The following RBM6 variants were observed in gnomAD, a reference collection of about 807,000 sequenced individuals.
RBM6 encodes the protein RNA-binding protein 6.
In RBM6, 23 loss-of-function variants were observed where a neutral mutation model predicts 140.4. That is an observed-to-expected ratio of 0.16 (90% confidence interval 0.12 to 0.23). The LOEUF is 0.23. RBM6 is among the 10% of genes least tolerant of loss of function. The probability of loss-of-function intolerance (pLI) is 1.00; values close to 1 mark genes in which losing one functional copy is unlikely to be tolerated. For missense variants in RBM6, 1,139 were observed against 1,386.7 expected (o/e 0.82, Z 2.84); for synonymous variants, 439 against 475.6 (o/e 0.92, Z 1.00).
chr3:50,051,558 T>C (rs1266852196), intron 7 of RBM6, among the ~76,000 whole-genome samples: 1 of 152,210 alleles, frequency 6.6e-6, no homozygotes, highest in Non-Finnish European at 1.5e-5. Flanking sequence ...GGAGAATCAC[T>C]TGAACCTGGG....
chr3:50,062,197 T>C (rs926765362), intron 15 of RBM6, 89 bp downstream of exon 15: 13 of 1,446,032 alleles, frequency 9.0e-6, no homozygotes, highest in Non-Finnish European at 1.2e-5. Flanking sequence ...TTTGCAAGTG[T>C]AAAGTAACTT....
chr3:50,072,233 C>T (rs2090326747), intron 19 of RBM6, among the ~76,000 whole-genome samples: 1 of 150,466 alleles, frequency 6.6e-6, no homozygotes, highest in Non-Finnish European at 1.5e-5. Context: ...CATGGTGAAA[C>T]CCTGTCTCTA....
intron 6 of RBM6, among the ~76,000 whole-genome samples, chr3:50,000,335 G>GTTTTTTTTT (rs372944661): frequency 8.2e-6 from 1 of 121,238 alleles, no homozygotes; most frequent in Non-Finnish European, 1.8e-5. Context: ...AGTTTGATGT[G>GTTTTTTTTT]TTTTTTTTTT....
chr3:50,051,185 C>T (rs1291177542), intron 7 of RBM6, among the ~76,000 whole-genome samples: 1 of 151,932 alleles, frequency 6.6e-6, no homozygotes, highest in Non-Finnish European at 1.5e-5. Flanking sequence ...ACAAAAAATA[C>T]AAAATTTAAC....
chr3:50,023,369 G>A (rs997204809), intron 6 of RBM6, among the ~76,000 whole-genome samples: 2 of 151,938 alleles, frequency 1.3e-5, no homozygotes, highest in Admixed American at 1.3e-4. Context: ...ACAGTGGCGC[G>A]ATCTCGGCTG....
Position 50,047,580 on chromosome 3 carries a change from C to T in RBM6, c.1558-665C>T, listed in dbSNP as rs552297007. On this transcript the variant is annotated intron_variant, in intron 6 of 20. Coordinates refer to ENST00000266022, the MANE Select transcript of RBM6 (RefSeq NM_005777.3). ...TTGCCAATGGTTGCTCCTCAGATCT[C>T]AGGGCTAGCTCACTCTATAGGCTCC... is the stretch of plus-strand genomic sequence containing the variant. Among the ~76,000 whole-genome samples, 3 of 152,280 alleles carry T rather than the reference C, an allele frequency of 2.0e-5. No homozygotes were observed. The South Asian group carries it at 6.2e-4, about 32-fold the overall frequency.
intron 6 of RBM6, among the ~76,000 whole-genome samples, chr3:50,023,170 A>G (rs780398974): frequency 6.6e-5 from 10 of 152,056 alleles, no homozygotes; most frequent in Non-Finnish European, 1.3e-4. Flanking sequence ...TTTCCCAAGA[A>G]TTTATCCCTC....
intron 2 of RBM6, among the ~76,000 whole-genome samples, chr3:49,965,636 C>T (rs1009747059): frequency 1.3e-5 from 2 of 151,620 alleles, no homozygotes; most frequent in Non-Finnish European, 2.9e-5. Flanking sequence ...CGCCACTGCA[C>T]TCCAGCCTGG....
chr3:50,032,162 T>C (rs934473601), intron 6 of RBM6, among the ~76,000 whole-genome samples: 7 of 152,088 alleles, frequency 4.6e-5, no homozygotes, highest in East Asian at 3.9e-4. Context: ...AGAGAGCAGA[T>C]AGGCATTAGG....
intron 6 of RBM6, among the ~76,000 whole-genome samples, chr3:50,048,040 G>T (rs765437262): frequency 6.6e-6 from 1 of 152,116 alleles, no homozygotes; most frequent in Non-Finnish European, 1.5e-5. Context: ...TCACCTTCTC[G>T]TACTCCCCTT....
At chr3:49,984,189 T>G (rs1205181809) in intron 5 of RBM6, among the ~76,000 whole-genome samples, 1 of 151,946 alleles carries the variant, frequency 6.6e-6, no homozygotes, top group Non-Finnish European at 1.5e-5. Flanking sequence ...CCCAGCTACT[T>G]AGGAGGCTAA....
intron 6 of RBM6, among the ~76,000 whole-genome samples, chr3:50,003,360 T>C (rs1356474786): frequency 6.6e-6 from 1 of 151,400 alleles, no homozygotes; most frequent in Non-Finnish European, 1.5e-5. Flanking sequence ...CCCCCAGTTT[T>C]ACTTACAGAC....
At chr3:49,976,219 C>G (rs1210041476) in intron 5 of RBM6, among the ~76,000 whole-genome samples, 1 of 152,114 alleles carries the variant, frequency 6.6e-6, no homozygotes, top group Non-Finnish European at 1.5e-5. Flanking sequence ...CAAGTAAGAA[C>G]ATGTCATATT....
At chr3:50,069,185 A>G (rs933352535) in intron 18 of RBM6, among the ~76,000 whole-genome samples, 3 of 152,168 alleles carry the variant, frequency 2.0e-5, no homozygotes, top group African/African-American at 7.2e-5. Context: ...TTACCCAGTC[A>G]TAGGCTTCAC....
In RBM6 at chr3:49,967,885, A is replaced by G; in HGVS notation, c.460A>G (p.Asn154Asp). Residue 154 changes from asparagine to aspartate, a missense_variant, in exon 3 of 21, where the codon AAC becomes GAC. By Grantham distance (23) the Asn-to-Asp change is conservative (BLOSUM62 1). Coordinates refer to ENST00000266022, the MANE Select transcript of RBM6 (RefSeq NM_005777.3). The surrounding 1 kb of genome is among the most constrained non-coding windows in gnomAD (Gnocchi z 4.0). ...DYRGREAPHM[N>D]YRDRDAHAVD... ...TAGAGGTAGGGAGGCACCTCATATGAACTACAGAGACAGGGATGCTCACGC... is the reference window on the plus strand; with the variant it reads ...TAGAGGTAGGGAGGCACCTCATATGGACTACAGAGACAGGGATGCTCACGC... The G allele has an allele frequency of 6.2e-7, 1 of 1,614,092 alleles. No homozygotes were observed. Among genetic ancestry groups the G allele is most frequent in the Non-Finnish European group, 8.5e-7 (1 of 1,180,010 alleles).
At chr3:50,019,775 C>T (rs898646762) in intron 6 of RBM6, among the ~76,000 whole-genome samples, 11 of 151,976 alleles carry the variant, frequency 7.2e-5, no homozygotes, top group Admixed American at 4.6e-4. Context: ...GGAGGTTCCC[C>T]TCTGTTCCTA....
chr3:49,947,419 C>T (rs1184169768), intron 1 of RBM6, among the ~76,000 whole-genome samples: 5 of 151,964 alleles, frequency 3.3e-5, no homozygotes, highest in Non-Finnish European at 7.4e-5. Context: ...GACAGAGTGG[C>T]CCAGTCTCTA....
Position 50,057,983 on chromosome 3 carries a change from G to T in RBM6, c.1949G>T (p.Arg650Leu). The change falls in exon 9 of 21, where the codon CGC becomes CTC. Residue 650 changes from arginine (R) to leucine (L), a missense_variant. Around this residue, in one of 9 missense-constraint regions of RBM6, gnomAD observed 109 missense variants for 101.9 expected, o/e 1.07. Coordinates refer to ENST00000266022, the MANE Select transcript of RBM6 (RefSeq NM_005777.3). ...AGGGAGTCATGGTCTGGAGAGACAC[G>T]CCAGGATGGAGAGAGCAAAAGTAAG... is the stretch of plus-strand genomic sequence containing the variant. ...RERESWSGET[R>L]QDGESKTIML... 6.2e-7 allele frequency: 1 copy of T among 1,613,670 alleles called. No homozygotes were observed. The highest frequency in any genetic ancestry group is 8.5e-7 in the Non-Finnish European group (1 of 1,179,954).
intron 6 of RBM6, among the ~76,000 whole-genome samples, chr3:50,005,390 TG>T (rs1475761015): frequency 6.6e-6 from 1 of 151,414 alleles, no homozygotes; most frequent in African/African-American, 2.4e-5. Context: ...CCCAGCTATT[TG>T]GAAGGCTAAA....
Sources: gnomAD v4.1 joint callset for allele counts (sites outside exome capture counted in the v4.1 genomes callset) on GRCh38, gnomAD v4.1.1 for gene constraint, gnomAD v4.1.1 regional missense constraint, Gnocchi (gnomAD v3.1) non-coding constraint, MANE v1.5 for transcripts, NCBI Gene and HGNC (gene_info 2026-07-23, HGNC 2026-07-21) for gene names.